PSMD11: variants seen among roughly 807,000 people sequenced by gnomAD.
The protein encoded by PSMD11 is 26S proteasome non-ATPase regulatory subunit 11.
Under a neutral mutation model 62.3 loss-of-function variants are expected in PSMD11, and 5 were observed. The observed-to-expected ratio is 0.08, with a 90% CI of 0.04 to 0.17. PSMD11 has a LOEUF of 0.17. Ranked by LOEUF, PSMD11 falls within the 10% of genes least tolerant of loss-of-function variation. The pLI is 1.00. For synonymous variants in PSMD11, 191 were observed against 191.8 expected, an observed-to-expected ratio of 1.00 and a Z score of 0.03; for missense variants, 310 against 512.9, an observed-to-expected ratio of 0.60 and a Z score of 3.82.
intron 6 of PSMD11, among the ~76,000 whole-genome samples, chr17:32,473,179 C>T (rs1350505028): frequency 6.6e-6 from 1 of 151,370 alleles, no homozygotes; most frequent in Non-Finnish European, 1.5e-5. Context: ...AAAGAGACAA[C>T]ATCTAACTCT....
chr17:32,464,487 C>A (rs201269546), intron 4 of PSMD11, 34 bp from the exon 5 acceptor site: 2 of 1,522,380 alleles, frequency 1.3e-6, no homozygotes, highest in Non-Finnish European at 1.8e-6. Context: ...GGCTTTTTCC[C>A]CCCCCTTCAA....
chr17:32,472,498 A>G (rs1044103392), intron 6 of PSMD11, among the ~76,000 whole-genome samples: 2 of 149,852 alleles, frequency 1.3e-5, no homozygotes, highest in East Asian at 4.0e-4. Context: ...TGCTGGGATT[A>G]TAGACGTTAG....
At chr17:32,478,730 C>G (rs1433734675) in intron 9 of PSMD11, among the ~76,000 whole-genome samples, 1 of 152,100 alleles carries the variant, frequency 6.6e-6, no homozygotes, top group Admixed American at 6.5e-5. Context: ...TTTTTTCCCC[C>G]CCATGGAGAC....
intron 7 of PSMD11, among the ~76,000 whole-genome samples, chr17:32,474,550 G>T (rs1301027790): frequency 6.6e-6 from 1 of 152,112 alleles, no homozygotes; most frequent in Non-Finnish European, 1.5e-5. Flanking sequence ...TTCTAACATT[G>T]GAGTTTTTCT....
chr17:32,463,038 A>C (rs1373863035), intron 3 of PSMD11, among the ~76,000 whole-genome samples: 1 of 152,228 alleles, frequency 6.6e-6, no homozygotes, highest in African/African-American at 2.4e-5. Context: ...TTGTATTAGC[A>C]ATTAGTTCTC....
intron 8 of PSMD11, 183 bp from the exon 9 acceptor site, chr17:32,477,338 G>A (rs774242205): frequency 2.3e-6 from 1 of 433,652 alleles, no homozygotes; most frequent in Non-Finnish European, 4.1e-6. Context: ...AGGGAAACAG[G>A]TTGGCATATA....
chr17:32,476,119 C>T (rs1908313623), intron 8 of PSMD11, among the ~76,000 whole-genome samples: 1 of 151,914 alleles, frequency 6.6e-6, no homozygotes, highest in Non-Finnish European at 1.5e-5. Flanking sequence ...CAAAAATTAG[C>T]CGGGCATGGT....
In PSMD11 at chr17:32,454,477, G is replaced by A. The variant is rs369694838; in HGVS notation, c.194-18G>A. The stretch of plus-strand genomic sequence containing the variant: ...AATGTTGATGTTTACTCCTCTTTTT[G>A]AATTGCCTTTCCTACAGAGCTTGGA... On this transcript the variant is annotated intron_variant, in intron 2 of 13. Transcript: ENST00000261712. 16 of 1,605,376 alleles carry A rather than the reference G, an allele frequency of 1.0e-5. No homozygotes were observed. The highest frequency in any genetic ancestry group is 1.3e-5 in the Non-Finnish European group (15 of 1,177,386).
intron 3 of PSMD11, among the ~76,000 whole-genome samples, chr17:32,455,054 C>T (rs1005742365): frequency 1.4e-4 from 22 of 152,156 alleles, no homozygotes; most frequent in Non-Finnish European, 1.9e-4. Context: ...TCTCATTGTG[C>T]AGAAGTGACT....
At chr17:32,464,651 A>C in intron 5 of PSMD11, 73 bp downstream of exon 5, 1 of 1,157,742 alleles carries the variant, frequency 8.6e-7, no homozygotes, top group Non-Finnish European at 1.2e-6. Context: ...TACTCTTACT[A>C]ATTACCTGTT....
At chr17:32,458,316 C>T (rs560153180) in intron 3 of PSMD11, among the ~76,000 whole-genome samples, 1 of 152,276 alleles carries the variant, frequency 6.6e-6, no homozygotes, top group Admixed American at 6.5e-5. Flanking sequence ...CAACCTACTG[C>T]AACCTACTGC....
intron 3 of PSMD11, among the ~76,000 whole-genome samples, chr17:32,456,074 G>A (rs889481982): frequency 3.3e-5 from 5 of 150,346 alleles, no homozygotes; most frequent in African/African-American, 9.8e-5. Flanking sequence ...AACCCGGGAG[G>A]CGGAGCTTGC....
chr17:32,452,384 A>G lies in PSMD11; in HGVS notation c.194-2111A>G, dbSNP rs556353410. Reference sequence around the variant, plus strand: ...AACTGTATCCAAAACATGTTAATAAATGGATCATTTGTCAACCTGAAGGGA... The same window carrying G: ...AACTGTATCCAAAACATGTTAATAAGTGGATCATTTGTCAACCTGAAGGGA... On this transcript the variant is annotated intron_variant, in intron 2 of 13. Transcript: ENST00000261712. 2.0e-4 allele frequency among the ~76,000 whole-genome samples: 30 copies of G among 152,340 alleles called. 1 individual carries two copies. The East Asian group carries it at 2.7e-3, about 14-fold the overall frequency.
intron 1 of PSMD11, among the ~76,000 whole-genome samples, 175 bp from the exon 2 acceptor site, chr17:32,446,770 C>T (rs1000311614): frequency 4.1e-5 from 6 of 147,182 alleles, no homozygotes; most frequent in African/African-American, 7.5e-5. Context: ...GCATATTCTA[C>T]GTATATATGA....
intron 5 of PSMD11, 57 bp from the exon 6 acceptor site, chr17:32,468,942 G>C (rs1908076887): frequency 6.8e-7 from 1 of 1,477,992 alleles, no homozygotes; most frequent in African/African-American, 1.4e-5. Flanking sequence ...GGGAGAGTGA[G>C]CTATTATTAG....
At chr17:32,464,620 A>T in intron 5 of PSMD11, 42 bp downstream of exon 5, 1 of 1,503,592 alleles carries the variant, frequency 6.7e-7, no homozygotes, top group South Asian at 1.2e-5. Flanking sequence ...AGCTAAATGA[A>T]TGTATTCTAA....
At chr17:32,452,398 A>G (rs1907532277) in intron 2 of PSMD11, among the ~76,000 whole-genome samples, 1 of 152,204 alleles carries the variant, frequency 6.6e-6, no homozygotes. Flanking sequence ...ATCATTTGTC[A>G]ACCTGAAGGG....
intron 3 of PSMD11, among the ~76,000 whole-genome samples, chr17:32,461,839 T>G (rs1333418815): frequency 6.6e-6 from 1 of 152,170 alleles, no homozygotes; most frequent in Non-Finnish European, 1.5e-5. Context: ...TTATTTTAGT[T>G]TTTCGTTCTG....
intron 5 of PSMD11, among the ~76,000 whole-genome samples, chr17:32,467,095 C>T (rs1908012840): frequency 6.6e-6 from 1 of 151,708 alleles, no homozygotes; most frequent in Non-Finnish European, 1.5e-5. Context: ...TGGGCACGCA[C>T]CACCATGCTC....
Sources: allele counts gnomAD v4.1 joint callset (sites outside exome capture counted in the v4.1 genomes callset), GRCh38; gene constraint gnomAD v4.1.1; transcripts MANE v1.5; gene names NCBI Gene and HGNC (gene_info 2026-07-23, HGNC 2026-07-21).